GYPC: variants seen among roughly 807,000 people sequenced by gnomAD.
GYPC encodes glycophorin-C.
In GYPC, 14 loss-of-function variants were observed where a neutral mutation model predicts 12.6. That is an observed-to-expected ratio of 1.11 (90% CI 0.74 to 1.74). GYPC has a LOEUF of 1.74. GYPC is among the 40% of genes most tolerant of loss of function. The pLI, the probability that GYPC is intolerant of heterozygous loss-of-function variation, is 0.00. For synonymous variants in GYPC, 78 were observed against 62.1 expected (o/e 1.26, Z -1.20); for missense variants, 225 against 172.1 (o/e 1.31, Z -1.72).
At chr2:126,660,664 T>C (rs1477022656) in intron 1 of GYPC, among the ~76,000 whole-genome samples, 1 of 152,128 alleles carries the variant, frequency 6.6e-6, no homozygotes, top group Non-Finnish European at 1.5e-5. Flanking sequence ...AGGTGGATGA[T>C]TGCAGGGATG....
intron 1 of GYPC, among the ~76,000 whole-genome samples, chr2:126,663,643 G>A (rs1453448056): frequency 1.3e-5 from 2 of 152,172 alleles, no homozygotes; most frequent in African/African-American, 4.8e-5. Context: ...GGGATGTGAA[G>A]GTCCATCCAT....
chr2:126,695,373 G>A (rs1050506389), intron 3 of GYPC, among the ~76,000 whole-genome samples: 1 of 152,182 alleles, frequency 6.6e-6, no homozygotes, highest in Admixed American at 6.5e-5. Flanking sequence ...GGGAAGGAAG[G>A]AGAGGAGGGA....
In GYPC at chr2:126,656,544, G is replaced by A. The variant is rs28387083; in HGVS notation, c.49+232G>A. The stretch of plus-strand genomic sequence containing the variant: ...CCGGACCCCTACGCGCAGCCTCCAC[G>A]CGCTCCGAGCTGGAGAAGCCGCCAG... On this transcript the variant is annotated intron_variant, in intron 1 of 3. Transcript: ENST00000259254. Among the ~76,000 whole-genome samples the A allele has an allele frequency of 7.3e-3, 1,119 of 152,364 alleles. 18 individuals carry two copies. Among genetic ancestry groups the A allele is most frequent in the African/African-American group, 0.025 (1,046 of 41,594 alleles).
chr2:126,676,883 T>C (rs1471353281), intron 1 of GYPC, among the ~76,000 whole-genome samples: 2 of 152,134 alleles, frequency 1.3e-5, no homozygotes, highest in South Asian at 2.1e-4. Context: ...AAAATGAAAT[T>C]GAATTGGTAA....
Position 126,690,214 on chromosome 2 carries a change from G to A in GYPC, c.50-41G>A, listed in dbSNP as rs149219236. The A allele has an allele frequency of 4.1e-3, 6,181 of 1,505,354 alleles. 22 individuals carry two copies. The highest frequency in any genetic ancestry group is 9.7e-3 in the South Asian group (866 of 88,958). The allele number at this position is 1,505,354 out of a possible 1,614,324, so 93.2% of individuals were successfully genotyped here. ...GCCAAGGTGCTGCTAGGCATGGAGA[G>A]TCTTCCTCTCTGACCTCAGATTCTT... On this transcript the variant is annotated intron_variant, in intron 1 of 3. Transcript: ENST00000259254.
intron 1 of GYPC, among the ~76,000 whole-genome samples, chr2:126,681,007 G>A (rs1269740299): frequency 6.6e-6 from 1 of 152,156 alleles, no homozygotes; most frequent in Admixed American, 6.5e-5. Flanking sequence ...CGGCGACTTT[G>A]AAGATTCTTC....
chr2:126,657,236 T>C (rs1012950465), intron 1 of GYPC, among the ~76,000 whole-genome samples: 7 of 152,202 alleles, frequency 4.6e-5, no homozygotes, highest in Admixed American at 4.6e-4. Context: ...CGTGGAGGAG[T>C]GCTGCTTCGG....
intron 1 of GYPC, among the ~76,000 whole-genome samples, chr2:126,668,757 A>C (rs1558881134): frequency 6.6e-6 from 1 of 152,194 alleles, no homozygotes; most frequent in Admixed American, 6.5e-5. Flanking sequence ...ACTTGGCGTT[A>C]TGGTGGTTCT....
At chr2:126,688,492 A>T (rs193242120) in intron 1 of GYPC, among the ~76,000 whole-genome samples, 62 of 152,314 alleles carry the variant, frequency 4.1e-4, no homozygotes, top group Admixed American at 2.2e-3. Flanking sequence ...ACTGTAATAA[A>T]GTCTAGCACC....
intron 1 of GYPC, among the ~76,000 whole-genome samples, chr2:126,674,877 C>G (rs2104785626): frequency 6.6e-6 from 1 of 152,316 alleles, no homozygotes; most frequent in Non-Finnish European, 1.5e-5. Context: ...ACTGTTAACC[C>G]CCCAACACAT....
At chr2:126,674,212 G>A (rs1053772772) in intron 1 of GYPC, among the ~76,000 whole-genome samples, 7 of 152,212 alleles carry the variant, frequency 4.6e-5, no homozygotes, top group African/African-American at 1.7e-4. Context: ...GGGAGAAGCA[G>A]AACTGAGCCT....
chr2:126,661,035 A>G (rs1457484329), intron 1 of GYPC, among the ~76,000 whole-genome samples: 1 of 152,170 alleles, frequency 6.6e-6, no homozygotes, highest in Non-Finnish European at 1.5e-5. Context: ...TCATTTTTCT[A>G]CATTCTTCCA....
At chr2:126,656,996 C>A (rs1682382124) in intron 1 of GYPC, among the ~76,000 whole-genome samples, 1 of 152,356 alleles carries the variant, frequency 6.6e-6, no homozygotes, top group Non-Finnish European at 1.5e-5. Context: ...TAAAAACTAC[C>A]ATTTGATTTT....
At chr2:126,692,991 G>C (rs895085194) in intron 2 of GYPC, among the ~76,000 whole-genome samples, 1 of 152,198 alleles carries the variant, frequency 6.6e-6, no homozygotes, top group African/African-American at 2.4e-5. Context: ...TGGATGTGAA[G>C]ACTGCATGAT....
chr2:126,665,900 C>T (rs1302859310), intron 1 of GYPC, among the ~76,000 whole-genome samples: 1 of 152,204 alleles, frequency 6.6e-6, no homozygotes, highest in African/African-American at 2.4e-5. Context: ...CTGACACGCT[C>T]TCTCCTGGAA....
intron 1 of GYPC, among the ~76,000 whole-genome samples, chr2:126,670,595 C>T (rs945901673): frequency 6.6e-6 from 1 of 152,122 alleles, no homozygotes; most frequent in Non-Finnish European, 1.5e-5. Context: ...TCACAGGCTT[C>T]GAGGGGGCCA....
chr2:126,663,780 CCT>C (rs1682604815), intron 1 of GYPC, among the ~76,000 whole-genome samples: 1 of 152,224 alleles, frequency 6.6e-6, no homozygotes, highest in African/African-American at 2.4e-5. Flanking sequence ...TGACCTCTCC[CCT>C]GTCTGCCAGT....
intron 1 of GYPC, among the ~76,000 whole-genome samples, chr2:126,666,708 T>C (rs1484137588): frequency 9.3e-5 from 11 of 118,542 alleles, no homozygotes; most frequent in South Asian, 3.3e-4. Context: ...CCTCCCTCCC[T>C]ACACACACAC....
At chr2:126,658,067 G>A (rs900621417) in intron 1 of GYPC, 3 of 152,372 alleles carry the variant, frequency 2.0e-5, no homozygotes, top group African/African-American at 7.2e-5. Flanking sequence ...CAGTTACTGC[G>A]CGTGAGTCAT....
Sources: gnomAD v4.1 joint callset for allele counts (sites outside exome capture counted in the v4.1 genomes callset) on GRCh38, gnomAD v4.1.1 for gene constraint, MANE v1.5 for transcripts, NCBI Gene and HGNC (gene_info 2026-07-23, HGNC 2026-07-21) for gene names.